COG6: variants seen among roughly 807,000 people sequenced by gnomAD.
The protein encoded by COG6 is conserved oligomeric Golgi complex subunit 6.
COG6 carries 74 observed loss-of-function variants against 88.8 expected under a neutral mutation model. The ratio of observed to expected loss-of-function variants is 0.83; its 90% confidence interval spans 0.69 to 1.01. The LOEUF (loss-of-function observed/expected upper bound fraction) is 1.01. Ranked by LOEUF, COG6 falls within the 50% of genes least tolerant of loss-of-function variation. COG6 has a pLI of 0.00. For missense variants in COG6, 800 were observed against 797.9 expected (o/e 1.00, Z -0.03); for synonymous variants, 286 against 278.7 (o/e 1.03, Z -0.26).
At chr13:39,714,206 T>C (rs1878398229) in intron 13 of COG6, among the ~76,000 whole-genome samples, 1 of 133,336 alleles carries the variant, frequency 7.5e-6, no homozygotes, top group Non-Finnish European at 1.6e-5. Context: ...TAAAAATCTC[T>C]TGTGTTAATT....
intron 18 of COG6, among the ~76,000 whole-genome samples, chr13:39,778,140 A>G (rs1881519217): frequency 6.6e-6 from 1 of 152,254 alleles, no homozygotes; most frequent in African/African-American, 2.4e-5. Context: ...TAGTTTATAA[A>G]AAATAGTTAA....
chr13:39,785,916 G>A (rs1881759700), intron 18 of COG6, among the ~76,000 whole-genome samples: 1 of 152,108 alleles, frequency 6.6e-6, no homozygotes, highest in Admixed American at 6.6e-5. Flanking sequence ...GGGAGTGAAG[G>A]AAATGATATA....
intron 18 of COG6, among the ~76,000 whole-genome samples, chr13:39,774,482 CTT>C (rs1306684681): frequency 1.3e-5 from 2 of 151,894 alleles, no homozygotes; most frequent in South Asian, 4.2e-4. Context: ...TTTTGTAAGT[CTT>C]TTTGTTTATA....
intron 18 of COG6, among the ~76,000 whole-genome samples, chr13:39,732,740 G>A (rs1017520413): frequency 1.3e-5 from 2 of 152,150 alleles, no homozygotes; most frequent in East Asian, 3.8e-4. Flanking sequence ...AAAATAGATG[G>A]AGTCTTAGAG....
At chr13:39,714,667 G>A (rs1178118469) in intron 13 of COG6, among the ~76,000 whole-genome samples, 1 of 151,382 alleles carries the variant, frequency 6.6e-6, no homozygotes, top group Non-Finnish European at 1.5e-5. Flanking sequence ...ATATACTGCT[G>A]GTGGGAATGT....
chr13:39,724,768 T>C (rs972661319), intron 17 of COG6, among the ~76,000 whole-genome samples: 2 of 151,922 alleles, frequency 1.3e-5, no homozygotes, highest in African/African-American at 4.8e-5. Flanking sequence ...TGTTCCACTA[T>C]GCTCTGATAG....
intron 10 of COG6, among the ~76,000 whole-genome samples, chr13:39,688,925 C>G (rs1261116017): frequency 2.6e-5 from 4 of 152,132 alleles, no homozygotes; most frequent in Admixed American, 2.6e-4. Flanking sequence ...AGCCACACAT[C>G]TCTGTGGTTC....
rs770563434 is a variant in COG6, at chr13:39,752,508, A to G, written c.*1415A>G. 37 of 1,164,142 alleles carry G rather than the reference A, an allele frequency of 3.2e-5. No homozygotes were observed. Among genetic ancestry groups the G allele is most frequent in the Non-Finnish European group, 2.2e-5 (20 of 890,954 alleles). The allele number at this position is 1,164,142 out of a possible 1,614,324, so 72.1% of individuals were successfully genotyped here. On this transcript the variant is annotated 3_prime_UTR_variant, in exon 19 of 19. Coordinates refer to ENST00000455146, the MANE Select transcript of COG6 (RefSeq NM_020751.3). ...AGTATAAATCAAGAGCTTAAATTGT[A>G]TATAATTTATTTCTACAGAGAAAGA...
chr13:39,726,134 T>A (rs1879123614), intron 17 of COG6, among the ~76,000 whole-genome samples: 1 of 151,974 alleles, frequency 6.6e-6, no homozygotes, highest in Non-Finnish European at 1.5e-5. Flanking sequence ...CAACCATTTG[T>A]TGTCTCCATT....
chr13:39,657,286 C>G (rs969477913), intron 1 of COG6, among the ~76,000 whole-genome samples: 1 of 152,248 alleles, frequency 6.6e-6, no homozygotes, highest in African/African-American at 2.4e-5. Flanking sequence ...CCGCCTCAGC[C>G]TCCCAAAGTG....
intron 13 of COG6, among the ~76,000 whole-genome samples, chr13:39,717,235 T>C (rs932581787): frequency 6.6e-6 from 1 of 152,162 alleles, no homozygotes; most frequent in South Asian, 2.1e-4. Context: ...TATTTCTTTT[T>C]AGTTGCTTTC....
At chr13:39,688,622 A>G (rs1033589170) in intron 10 of COG6, among the ~76,000 whole-genome samples, 1 of 152,138 alleles carries the variant, frequency 6.6e-6, no homozygotes, top group Non-Finnish European at 1.5e-5. Flanking sequence ...CACCTCCGAC[A>G]TTGGGGATTA....
At chr13:39,669,691 G>A (rs9548874) in intron 4 of COG6, among the ~76,000 whole-genome samples, 27,229 of 152,146 alleles carry the variant, frequency 0.18, 3,082 homozygotes, top group Non-Finnish European at 0.25. Context: ...AATGTATATA[G>A]GAGACAATAT....
chr13:39,656,115 A>G (rs921927549), intron 1 of COG6: 5 of 664,140 alleles, frequency 7.5e-6, no homozygotes, highest in Non-Finnish European at 1.4e-5. Flanking sequence ...CCACCTGAAA[A>G]GGTGCCTTCA....
At chr13:39,696,123 A>G (rs1304488651) in intron 12 of COG6, among the ~76,000 whole-genome samples, 2 of 151,818 alleles carry the variant, frequency 1.3e-5, no homozygotes, top group Admixed American at 6.6e-5. Context: ...TAATTTTTCT[A>G]TCTTTGAAGA....
rs535645977 is a variant in COG6 at position 39,725,899 on chromosome 13, C to A, written c.1746+1338C>A. Among the ~76,000 whole-genome samples, 5 of 152,042 alleles carry A rather than the reference C, an allele frequency of 3.3e-5. No homozygotes were observed. In the East Asian group the frequency reaches 7.7e-4, roughly 23 times the overall value. Reference sequence around the variant, plus strand: ...TGAAGATCTATGCTCACACTTAGATCTGTAACATTAGTTAGTACCAAATAT... The same window carrying A: ...TGAAGATCTATGCTCACACTTAGATATGTAACATTAGTTAGTACCAAATAT... On this transcript the variant is annotated intron_variant, in intron 17 of 18. Coordinates refer to ENST00000455146, the MANE Select transcript of COG6 (RefSeq NM_020751.3).
chr13:39,721,253 C>A (rs1373652150), intron 15 of COG6, among the ~76,000 whole-genome samples: 1 of 151,924 alleles, frequency 6.6e-6, no homozygotes, highest in African/African-American at 2.4e-5. Flanking sequence ...GGTAAAAATT[C>A]TTCTTGGTCT....
In COG6 at chr13:39,719,994, A is replaced by AACAC. The variant is rs58617808; in HGVS notation, c.1584+197_1584+200dup. ...ATATACACAACACACGCACATACACAACACACACACACACACACACACACA... is the reference window on the plus strand; with the variant it reads ...ATATACACAACACACGCACATACACAACACACACACACACACACACACACACACA... On this transcript the variant is annotated intron_variant, in intron 15 of 18. Transcript: ENST00000455146. 0.36 allele frequency among the ~76,000 whole-genome samples: 52,573 copies of AACAC among 147,620 alleles called. 9,852 individuals are homozygous for AACAC. The highest frequency in any genetic ancestry group is 0.54 in the Admixed American group (7,844 of 14,596).
intron 14 of COG6, 52 bp downstream of exon 14, chr13:39,719,419 C>T (rs759793757): frequency 2.9e-5 from 45 of 1,558,488 alleles, no homozygotes; most frequent in Non-Finnish European, 3.9e-5. Context: ...CTATTGTACA[C>T]TGTGTTTCAA....
Sources: gnomAD v4.1 joint callset for allele counts (sites outside exome capture counted in the v4.1 genomes callset) on GRCh38, gnomAD v4.1.1 for gene constraint, MANE v1.5 for transcripts, NCBI Gene and HGNC (gene_info 2026-07-23, HGNC 2026-07-21) for gene names.